MEF2A: variants seen among roughly 807,000 people sequenced by gnomAD.
The protein encoded by MEF2A is myocyte-specific enhancer factor 2A.
A neutral mutation model predicts 55.8 loss-of-function variants in MEF2A; 28 were observed. The observed-to-expected ratio is 0.50, with a 90% confidence interval of 0.37 to 0.69. MEF2A has a LOEUF of 0.69. Among genes scored for constraint, MEF2A ranks in the 30% least tolerant of loss-of-function variants. The probability of loss-of-function intolerance (pLI) is 0.00; values close to 1 mark genes in which losing one functional copy is unlikely to be tolerated. For synonymous variants in MEF2A, 239 were observed against 227.1 expected, an observed-to-expected ratio of 1.05 and a Z score of -0.47; for missense variants, 528 against 626.2, an observed-to-expected ratio of 0.84 and a Z score of 1.67.
intron 1 of MEF2A, among the ~76,000 whole-genome samples, chr15:99,569,689 G>A (rs543867422): frequency 6.6e-6 from 1 of 152,244 alleles, no homozygotes; most frequent in Admixed American, 6.5e-5. Flanking sequence ...AAAGTTAGAA[G>A]AATACTTCTG....
chr15:99,697,743 G>A (rs899655197), intron 8 of MEF2A, among the ~76,000 whole-genome samples: 2 of 152,050 alleles, frequency 1.3e-5, no homozygotes, highest in Non-Finnish European at 2.9e-5. Context: ...AAATATATAG[G>A]TAAAGACGAA....
intron 5 of MEF2A, chr15:99,671,785 A>AT (rs1412621928): frequency 9.5e-7 from 1 of 1,049,924 alleles, no homozygotes; most frequent in Non-Finnish European, 1.3e-6. Flanking sequence ...TTTTATTAGT[A>AT]TTTTTTATAA....
chr15:99,663,079 A>AT (rs923905194), intron 4 of MEF2A, among the ~76,000 whole-genome samples: 20 of 150,040 alleles, frequency 1.3e-4, no homozygotes, highest in South Asian at 8.4e-4. Context: ...GCGTATGTTA[A>AT]TTTTTTTTTT....
intron 8 of MEF2A, among the ~76,000 whole-genome samples, chr15:99,696,106 T>C (rs2056444618): frequency 6.6e-6 from 1 of 152,118 alleles, no homozygotes; most frequent in Non-Finnish European, 1.5e-5. Context: ...ACCTTCAAAA[T>C]ACATAAAGTG....
chr15:99,688,486 G>A (rs146545731), intron 7 of MEF2A, among the ~76,000 whole-genome samples: 2 of 152,240 alleles, frequency 1.3e-5, no homozygotes, highest in East Asian at 1.9e-4. Context: ...GGCCGGACAC[G>A]TTGGCTCATG....
rs1392981078 is a variant in MEF2A at position 99,716,047 on chromosome 15, ACTC to A, written c.*3279_*3281del. The A allele has an allele frequency of 5.8e-5, 9 of 155,864 alleles. No individual in the cohort carries two copies. Among genetic ancestry groups the A allele is most frequent in the Middle Eastern group, 3.1e-3 (1 of 318 alleles). 9.7% of individuals were successfully genotyped at this position (155,864 alleles called of 1,614,324 possible). The stretch of plus-strand genomic sequence containing the variant: ...TACATAGTAAATAAGGAAGCTGAAA[ACTC>A]CTGGCATTGGATCTTAAGCTAGATG... On this transcript the variant is annotated 3_prime_UTR_variant, in exon 12 of 12. Coordinates refer to ENST00000557942, the MANE Select transcript of MEF2A (RefSeq NM_001319206.4).
chr15:99,573,244 G>C (rs1479189317), intron 1 of MEF2A, among the ~76,000 whole-genome samples: 2 of 144,572 alleles, frequency 1.4e-5, no homozygotes, highest in Non-Finnish European at 1.5e-5. Flanking sequence ...AGCCAAGATC[G>C]CGCCACTGCA....
In MEF2A at chr15:99,712,355, C is replaced by G. The variant is rs186573914; in HGVS notation, c.1137-35C>G. 1.3e-5 allele frequency: 19 copies of G among 1,492,156 alleles called. No homozygotes were observed. In the East Asian group the frequency reaches 4.0e-4, roughly 31 times the overall value. 92.4% of individuals were successfully genotyped at this position (1,492,156 alleles called of 1,614,324 possible). A position where few individuals can be genotyped will look rare whatever the true frequency, so the allele number is the denominator to read the frequency against. On this transcript the variant is annotated intron_variant, in intron 11 of 11. Transcript: ENST00000557942. This position sits in a 1 kb window ranked among gnomAD's most constrained non-coding sequence, Gnocchi z 4.1. Reference sequence around the variant, plus strand: ...CATCCCAGTTTTGCAGAGGTACTTGCAAGCCATCTGACCTCTCTCTTTTTT... The same window carrying G: ...CATCCCAGTTTTGCAGAGGTACTTGGAAGCCATCTGACCTCTCTCTTTTTT...
intron 2 of MEF2A, among the ~76,000 whole-genome samples, chr15:99,628,330 C>T (rs1332221489): frequency 1.3e-5 from 2 of 151,862 alleles, no homozygotes; most frequent in South Asian, 2.1e-4. Flanking sequence ...TTCTGTATCC[C>T]CATATTTAAG....
intron 1 of MEF2A, among the ~76,000 whole-genome samples, chr15:99,590,387 A>C (rs1407257658): frequency 1.3e-5 from 2 of 149,152 alleles, no homozygotes; most frequent in African/African-American, 5.0e-5. Context: ...ACATATATAT[A>C]GTTGGGTCTT....
In MEF2A at chr15:99,604,860, A is replaced by T. The variant is rs139053563; in HGVS notation, c.-143+6349A>T. Among the ~76,000 whole-genome samples the T allele has an allele frequency of 3.2e-3, 490 of 152,258 alleles. 4 individuals are homozygous for T. Among genetic ancestry groups the T allele is most frequent in the African/African-American group, 0.011 (458 of 41,532 alleles). On this transcript the variant is annotated intron_variant, in intron 2 of 11. Transcript: ENST00000557942. ...TTAATTTACTGCCCATTAAGGTTAT[A>T]TCCTTTTGAGGGCTATACTCCATGC...
chr15:99,638,065 T>C (rs2044208201), intron 3 of MEF2A, among the ~76,000 whole-genome samples: 1 of 152,210 alleles, frequency 6.6e-6, no homozygotes, highest in Non-Finnish European at 1.5e-5. Flanking sequence ...CATTTGTATA[T>C]CTTCCTTGGA....
At chr15:99,643,654 C>T (rs544611590) in intron 3 of MEF2A, among the ~76,000 whole-genome samples, 13 of 147,918 alleles carry the variant, frequency 8.8e-5, no homozygotes, top group African/African-American at 3.3e-4. Flanking sequence ...TGCAGTGGTG[C>T]GATCTCGGCT....
chr15:99,567,169 A>G (rs1210144449), intron 1 of MEF2A, among the ~76,000 whole-genome samples: 4 of 152,258 alleles, frequency 2.6e-5, no homozygotes, highest in Non-Finnish European at 4.4e-5. Context: ...TAGCTTGAAT[A>G]TAACATAGTG....
intron 1 of MEF2A, among the ~76,000 whole-genome samples, chr15:99,581,623 ATC>A (rs916903187): frequency 1.4e-4 from 21 of 152,050 alleles, no homozygotes; most frequent in African/African-American, 4.8e-4. Context: ...TCTGTCCCTT[ATC>A]TGTTTCTCAC....
intron 2 of MEF2A, among the ~76,000 whole-genome samples, chr15:99,606,320 T>C (rs1387809001): frequency 2.6e-4 from 40 of 152,140 alleles, no homozygotes; most frequent in Admixed American, 2.6e-3. Flanking sequence ...AACAGGTTCA[T>C]GCTCTTTGGC....
intron 4 of MEF2A, among the ~76,000 whole-genome samples, chr15:99,666,392 C>T (rs539656405): frequency 6.6e-6 from 1 of 151,994 alleles, no homozygotes; most frequent in Non-Finnish European, 1.5e-5. Flanking sequence ...TGAACAATGA[C>T]AACACATGGA....
At chr15:99,684,890 A>G (rs1265799965) in intron 7 of MEF2A, among the ~76,000 whole-genome samples, 3 of 152,192 alleles carry the variant, frequency 2.0e-5, no homozygotes, top group African/African-American at 4.8e-5. Context: ...ATGAGGATCC[A>G]GTTTCTTTCT....
At chr15:99,645,893 A>G (rs1247688581) in intron 4 of MEF2A, 129 bp downstream of exon 4, 7 of 640,456 alleles carry the variant, frequency 1.1e-5, no homozygotes, top group Non-Finnish European at 1.8e-5. Context: ...TCTCTAAATC[A>G]TTTCTTAGAA....
Sources: allele counts gnomAD v4.1 joint callset (sites outside exome capture counted in the v4.1 genomes callset), GRCh38; gene constraint gnomAD v4.1.1; non-coding constraint Gnocchi (gnomAD v3.1); transcripts MANE v1.5; gene names NCBI Gene and HGNC (gene_info 2026-07-23, HGNC 2026-07-21).